Variants in PRKCA observed in about 807,000 individuals in gnomAD.
PRKCA encodes the protein protein kinase C alpha type.
PRKCA carries 27 observed loss-of-function variants against 87.0 expected under a neutral mutation model. The ratio of observed to expected loss-of-function variants is 0.31; its 90% confidence interval spans 0.23 to 0.43. The LOEUF (loss-of-function observed/expected upper bound fraction) is 0.43. Ranked by LOEUF, PRKCA falls within the 20% of genes least tolerant of loss-of-function variation. The pLI, the probability that PRKCA is intolerant of heterozygous loss-of-function variation, is 1.00. For missense variants in PRKCA, 518 were observed against 852.3 expected (o/e 0.61, Z 4.88); for synonymous variants, 329 against 311.1 (o/e 1.06, Z -0.61).
At position 66,302,784 on chromosome 17, in the gene PRKCA, G is replaced by GCCCCC; in HGVS notation, c.-67_-63dup. 7.4e-7 allele frequency: 1 copy of GCCCCC among 1,354,498 alleles called. No homozygotes were observed. The highest frequency in any genetic ancestry group is 9.7e-7 in the Non-Finnish European group (1 of 1,034,876). The allele number at this position is 1,354,498 out of a possible 1,614,324, so 83.9% of individuals were successfully genotyped here. A position where few individuals can be genotyped will look rare whatever the true frequency, so the allele number is the denominator to read the frequency against. Reference sequence around the variant, plus strand: ...CCCGAGCCCGCACCTCTCCCCCGCCGCCCCCGCCCACCCGGCCCTCCGCGG... The same window carrying GCCCCC: ...CCCGAGCCCGCACCTCTCCCCCGCCGCCCCCCCCCCGCCCACCCGGCCCTCCGCGG... On this transcript the variant is annotated 5_prime_UTR_variant, in exon 1 of 17. Coordinates refer to ENST00000413366, the MANE Select transcript of PRKCA (RefSeq NM_002737.3).
At chr17:66,726,149 T>C (rs3889608) in intron 8 of PRKCA, among the ~76,000 whole-genome samples, 86,279 of 130,002 alleles carry the variant, frequency 0.66, 28,989 homozygotes, top group African/African-American at 0.7. Context: ...CTCAGGTGTT[T>C]GCAGGTGTGC....
At chr17:66,552,985 TTC>T (rs71969915) in intron 3 of PRKCA, among the ~76,000 whole-genome samples, 24,415 of 145,452 alleles carry the variant, frequency 0.17, 1,941 homozygotes, top group African/African-American at 0.23. Context: ...TCTGAATATT[TTC>T]TTTTTTTTTT....
At chr17:66,305,989 C>A in intron 1 of PRKCA, 107 bp from the exon 2 acceptor site, 1 of 991,204 alleles carries the variant, frequency 1.0e-6, no homozygotes, top group Non-Finnish European at 1.6e-6. Context: ...CATTGGGTTT[C>A]ACATACAAAC....
At chr17:66,617,579 G>T (rs563453907) in intron 3 of PRKCA, among the ~76,000 whole-genome samples, 1 of 152,248 alleles carries the variant, frequency 6.6e-6, no homozygotes, top group Admixed American at 6.5e-5. Context: ...AGGTAGATCT[G>T]CCTCCACCTG....
chr17:66,553,885 C>T (rs965368822), intron 3 of PRKCA, among the ~76,000 whole-genome samples: 7 of 152,056 alleles, frequency 4.6e-5, no homozygotes, highest in East Asian at 1.9e-4. Flanking sequence ...AGTGTGTGGC[C>T]GGGGTGATCC....
At chr17:66,479,957 C>T (rs1467630671) in intron 2 of PRKCA, among the ~76,000 whole-genome samples, 3 of 148,868 alleles carry the variant, frequency 2.0e-5, no homozygotes, top group Non-Finnish European at 3.0e-5. Flanking sequence ...ACCCCCATGA[C>T]ACAAGTTTAC....
intron 3 of PRKCA, among the ~76,000 whole-genome samples, chr17:66,496,927 GCCACTGGGCC>G (rs141789537): frequency 0.15 from 22,136 of 152,034 alleles, 1,845 homozygotes; most frequent in East Asian, 0.3. Flanking sequence ...ACAGGTGTGA[GCCACTGGGCC>G]CTGCCACCCT....
intron 2 of PRKCA, among the ~76,000 whole-genome samples, chr17:66,311,065 C>A (rs949093370): frequency 5.9e-5 from 9 of 152,158 alleles, no homozygotes; most frequent in African/African-American, 2.2e-4. Flanking sequence ...TTCCATTATT[C>A]TGTCTTCAGG....
At chr17:66,796,097 C>T (rs1450373319) in intron 16 of PRKCA, among the ~76,000 whole-genome samples, 1 of 152,140 alleles carries the variant, frequency 6.6e-6, no homozygotes, top group Non-Finnish European at 1.5e-5. Context: ...GTCCCAATCC[C>T]TTAGAAAAAA....
chr17:66,480,011 A>AT (rs1346491560), intron 2 of PRKCA, among the ~76,000 whole-genome samples: 1 of 138,406 alleles, frequency 7.2e-6, no homozygotes, highest in Non-Finnish European at 1.7e-5. Context: ...AAAAAAAAAA[A>AT]AACATTTTGG....
chr17:66,349,672 C>T (rs569756515), intron 2 of PRKCA, among the ~76,000 whole-genome samples: 3 of 152,094 alleles, frequency 2.0e-5, no homozygotes, highest in African/African-American at 7.2e-5. Flanking sequence ...GTCCTGTATT[C>T]TCACATCTCC....
intron 5 of PRKCA, among the ~76,000 whole-genome samples, chr17:66,675,547 C>T (rs1972306361): frequency 1.3e-5 from 2 of 152,160 alleles, no homozygotes; most frequent in Non-Finnish European, 2.9e-5. Flanking sequence ...GCTCTTGAAG[C>T]ATATAGCAGA....
At chr17:66,700,423 T>C (rs955043435) in intron 8 of PRKCA, among the ~76,000 whole-genome samples, 7 of 152,144 alleles carry the variant, frequency 4.6e-5, no homozygotes, top group Non-Finnish European at 2.9e-5. Context: ...TCTCCACTTC[T>C]ATTCAACATA....
intron 8 of PRKCA, among the ~76,000 whole-genome samples, chr17:66,693,954 A>G (rs886654113): frequency 1.3e-5 from 2 of 152,310 alleles, no homozygotes; most frequent in Admixed American, 6.5e-5. Context: ...CTTATTTACT[A>G]TGTGACCTTT....
At chr17:66,527,763 A>C in intron 3 of PRKCA, among the ~76,000 whole-genome samples, 1 of 152,264 alleles carries the variant, frequency 6.6e-6, no homozygotes, top group East Asian at 1.9e-4. Flanking sequence ...AAAAGAAAAG[A>C]CTGTCCATTG....
chr17:66,311,667 T>C (rs781772138), intron 2 of PRKCA, among the ~76,000 whole-genome samples: 1 of 152,188 alleles, frequency 6.6e-6, no homozygotes, highest in Non-Finnish European at 1.5e-5. Context: ...TTTTCAACAG[T>C]GTTTTTCCTC....
intron 2 of PRKCA, among the ~76,000 whole-genome samples, chr17:66,333,050 C>T (rs918757407): frequency 6.6e-5 from 10 of 152,092 alleles, no homozygotes; most frequent in Admixed American, 2.0e-4. Flanking sequence ...TTTTATAGGA[C>T]GCTTAAGTGT....
intron 2 of PRKCA, among the ~76,000 whole-genome samples, chr17:66,312,208 C>G (rs1019551620): frequency 1.5e-4 from 23 of 152,168 alleles, no homozygotes; most frequent in African/African-American, 3.6e-4. Context: ...TCTTGAACTC[C>G]AGACCTTAGG....
chr17:66,783,083 A>G (rs957707560), intron 14 of PRKCA, among the ~76,000 whole-genome samples: 2 of 152,208 alleles, frequency 1.3e-5, no homozygotes, highest in Admixed American at 1.3e-4. Flanking sequence ...GAGCAGAGAC[A>G]TGTCCCCTCC....
Sources: allele counts gnomAD v4.1 joint callset (sites outside exome capture counted in the v4.1 genomes callset), GRCh38; gene constraint gnomAD v4.1.1; transcripts MANE v1.5; gene names NCBI Gene and HGNC (gene_info 2026-07-23, HGNC 2026-07-21).